Variants in FAF1 observed in about 807,000 individuals in gnomAD.
The protein encoded by FAF1 is FAS-associated factor 1.
FAF1 carries 25 observed loss-of-function variants against 92.5 expected under a neutral mutation model. The observed-to-expected ratio is 0.27, with a 90% confidence interval of 0.20 to 0.38. The LOEUF (loss-of-function observed/expected upper bound fraction) is 0.38. Ranked by LOEUF, FAF1 falls within the 10% of genes least tolerant of loss-of-function variation. The probability of loss-of-function intolerance (pLI) is 1.00; values close to 1 mark genes in which losing one functional copy is unlikely to be tolerated. For synonymous variants in FAF1, 234 were observed against 273.2 expected (o/e 0.86, Z 1.42); for missense variants, 636 against 793.3 (o/e 0.80, Z 2.38).
chr1:50,671,608 T>C (rs1424664269), intron 7 of FAF1, among the ~76,000 whole-genome samples: 1 of 152,192 alleles, frequency 6.6e-6, no homozygotes, highest in Non-Finnish European at 1.5e-5. Flanking sequence ...AATCCCTTTT[T>C]TTGGGTCAAG....
chr1:50,641,191 T>C (rs970468141), intron 8 of FAF1, among the ~76,000 whole-genome samples: 5 of 152,144 alleles, frequency 3.3e-5, no homozygotes, highest in African/African-American at 1.2e-4. Flanking sequence ...ATTTGTCTTT[T>C]ATTTCATTGA....
At chr1:50,843,281 C>T (rs750226984) in intron 2 of FAF1, among the ~76,000 whole-genome samples, 7 of 151,752 alleles carry the variant, frequency 4.6e-5, no homozygotes, top group Admixed American at 1.3e-4. Context: ...ATATAATAGC[C>T]GTATATATTT....
At chr1:50,444,661 C>T (rs1240187900) in intron 18 of FAF1, among the ~76,000 whole-genome samples, 1 of 152,196 alleles carries the variant, frequency 6.6e-6, no homozygotes, top group Admixed American at 6.5e-5. Context: ...GCAACTATCA[C>T]TTATCGAGTG....
chr1:50,826,734 T>G, intron 2 of FAF1, among the ~76,000 whole-genome samples: 1 of 152,118 alleles, frequency 6.6e-6, no homozygotes, highest in East Asian at 1.9e-4. Context: ...TGCCAATAAA[T>G]ATGAAAATTT....
chr1:50,480,061 C>G (rs940957950), intron 17 of FAF1, among the ~76,000 whole-genome samples: 1 of 152,156 alleles, frequency 6.6e-6, no homozygotes, highest in Non-Finnish European at 1.5e-5. Flanking sequence ...TTGATTTGCT[C>G]AACAAATATA....
chr1:50,453,807 C>G (rs1196874350), intron 18 of FAF1, among the ~76,000 whole-genome samples: 2 of 152,162 alleles, frequency 1.3e-5, no homozygotes, highest in Non-Finnish European at 2.9e-5. Context: ...ACCTGGCCAG[C>G]CTTTTCTTCA....
intron 15 of FAF1, among the ~76,000 whole-genome samples, chr1:50,530,238 G>GGTGTGTGT (rs72220248): frequency 0.025 from 3,571 of 141,610 alleles, 86 homozygotes; most frequent in African/African-American, 0.054. Context: ...TTTAAGAAGT[G>GGTGTGTGT]GTGTGTGTGT....
chr1:50,762,939 A>C (rs1028572962), intron 4 of FAF1, among the ~76,000 whole-genome samples: 4 of 152,148 alleles, frequency 2.6e-5, no homozygotes, highest in African/African-American at 9.7e-5. Context: ...CAACCTACTC[A>C]TCTGATAAAT....
intron 2 of FAF1, among the ~76,000 whole-genome samples, chr1:50,836,170 G>GTTTTTTGTTTTTT (rs1553144966): frequency 1.0e-5 from 1 of 98,526 alleles, no homozygotes; most frequent in Non-Finnish European, 2.0e-5. Flanking sequence ...TTTTGTTTCT[G>GTTTTTTGTTTTTT]TTTTTTTTTT....
intron 8 of FAF1, among the ~76,000 whole-genome samples, chr1:50,603,497 G>C (rs1466974297): frequency 6.6e-6 from 1 of 152,148 alleles, no homozygotes; most frequent in Non-Finnish European, 1.5e-5. Flanking sequence ...GATGCTTACT[G>C]TTCAGCTAAA....
At chr1:50,923,622 C>CA (rs1644982491) in intron 1 of FAF1, among the ~76,000 whole-genome samples, 1 of 151,936 alleles carries the variant, frequency 6.6e-6, no homozygotes, top group South Asian at 2.1e-4. Context: ...AAGAACACAA[C>CA]AAAAAAAGAA....
At chr1:50,668,334 TTAAG>T (rs1376537326) in intron 7 of FAF1, among the ~76,000 whole-genome samples, 1 of 152,206 alleles carries the variant, frequency 6.6e-6, no homozygotes, top group Non-Finnish European at 1.5e-5. Flanking sequence ...TTAGGAAATA[TTAAG>T]TAAGCTCCTC....
intron 2 of FAF1, among the ~76,000 whole-genome samples, chr1:50,832,966 G>A (rs879347016): frequency 8.6e-5 from 13 of 151,886 alleles, no homozygotes; most frequent in Non-Finnish European, 1.5e-4. Flanking sequence ...TTTTTGCAGC[G>A]AAGACAGGAT....
At chr1:50,533,149 G>A (rs1215110872) in intron 15 of FAF1, among the ~76,000 whole-genome samples, 1 of 151,938 alleles carries the variant, frequency 6.6e-6, no homozygotes, top group Non-Finnish European at 1.5e-5. Context: ...TGTTGCCCTG[G>A]CTGGAATACA....
intron 8 of FAF1, among the ~76,000 whole-genome samples, chr1:50,597,247 T>C (rs1297715988): frequency 1.3e-5 from 2 of 152,186 alleles, no homozygotes; most frequent in African/African-American, 4.8e-5. Flanking sequence ...AACATGACTT[T>C]AGCAGAAACA....
chr1:50,625,644 T>C (rs2124191195), intron 8 of FAF1, among the ~76,000 whole-genome samples: 1 of 151,952 alleles, frequency 6.6e-6, no homozygotes. Context: ...ATATGCATAA[T>C]GGCAAGAAAA....
At chr1:50,887,110 T>C (rs1048954225) in intron 1 of FAF1, among the ~76,000 whole-genome samples, 4 of 152,220 alleles carry the variant, frequency 2.6e-5, no homozygotes, top group African/African-American at 7.2e-5. Context: ...TGGTTTTGAT[T>C]TGCATTTCTC....
chr1:50,954,815 T>C (rs1645251858), intron 1 of FAF1, among the ~76,000 whole-genome samples: 1 of 152,156 alleles, frequency 6.6e-6, no homozygotes, highest in South Asian at 2.1e-4. Flanking sequence ...GGTGCTGAAA[T>C]TACAGGTGTG....
At chr1:50,887,199 C>T (rs2124695737) in intron 1 of FAF1, among the ~76,000 whole-genome samples, 1 of 152,284 alleles carries the variant, frequency 6.6e-6, no homozygotes, top group East Asian at 1.9e-4. Flanking sequence ...TACCTGTTCA[C>T]ATCCTTCGCC....
Sources: allele counts gnomAD v4.1 joint callset (sites outside exome capture counted in the v4.1 genomes callset), GRCh38; gene constraint gnomAD v4.1.1; transcripts MANE v1.5; gene names NCBI Gene and HGNC (gene_info 2026-07-23, HGNC 2026-07-21).